Variants in CKAP5 observed in about 807,000 individuals in gnomAD.
The protein encoded by CKAP5 is cytoskeleton-associated protein 5.
Under a neutral mutation model 232.8 loss-of-function variants are expected in CKAP5, and 27 were observed. The ratio of observed to expected loss-of-function variants is 0.12; its 90% CI spans 0.09 to 0.16. CKAP5 has a LOEUF of 0.16. CKAP5 is among the 10% of genes least tolerant of loss of function. The probability of loss-of-function intolerance (pLI) is 1.00; values close to 1 mark genes in which losing one functional copy is unlikely to be tolerated. For missense variants in CKAP5, 1,838 were observed against 2,424.7 expected (o/e 0.76, Z 5.08); for synonymous variants, 785 against 841.1 (o/e 0.93, Z 1.16).
At position 46,759,343 on chromosome 11, in the gene CKAP5, G is replaced by C; in HGVS notation, c.4494C>G (p.Val1498=). Residue 1498 remains valine, a synonymous_variant, in exon 34 of 44, where the codon GTC becomes GTG. Coordinates refer to ENST00000529230, the MANE Select transcript of CKAP5 (RefSeq NM_001008938.4). Reference sequence around the variant, plus strand: ...GAACAAGTTCTGGCATTTCACATCGGACTGTACCATTGTCATTCTCAATCT... The same window carrying C: ...GAACAAGTTCTGGCATTTCACATCGCACTGTACCATTGTCATTCTCAATCT... ...LDEIENDNGT[V]RCEMPELVQH... 6.2e-7 allele frequency: 1 copy of C among 1,614,072 alleles called. No homozygotes were observed. The highest frequency in any genetic ancestry group is 8.5e-7 in the Non-Finnish European group (1 of 1,180,008).
At chr11:46,802,588 G>A (rs997286750) in intron 8 of CKAP5, among the ~76,000 whole-genome samples, 9 of 129,620 alleles carry the variant, frequency 6.9e-5, no homozygotes, top group Admixed American at 1.5e-4. Context: ...ACACACACAC[G>A]GCTGCTTTAT....
At chr11:46,842,158 G>C in intron 1 of CKAP5, among the ~76,000 whole-genome samples, 1 of 152,202 alleles carries the variant, frequency 6.6e-6, no homozygotes, top group Non-Finnish European at 1.5e-5. Flanking sequence ...CCTCAAAGCT[G>C]TCCCTCAAGG....
intron 17 of CKAP5, among the ~76,000 whole-genome samples, 176 bp downstream of exon 17, chr11:46,784,312 G>A (rs1169801645): frequency 2.0e-5 from 3 of 152,062 alleles, no homozygotes; most frequent in East Asian, 1.9e-4. Flanking sequence ...GCAGTGAGCC[G>A]AGATTGCACC....
Position 46,784,611 on chromosome 11 carries a change from C to T in CKAP5, c.2031G>A (p.Thr677=), listed in dbSNP as rs747385988. ...GGCCATCTAATACAACCTGAGCTGA[C>T]GTTTTGGAAAAATTTCCCTTCTGGG... ...LIAQKGNFSK[T]SAQVVLDGLV... is the part of the protein sequence containing the mutation. Residue 677 remains threonine, a synonymous_variant, in exon 17 of 44, where the codon ACG becomes ACA. Transcript: ENST00000529230. 26 of 1,613,890 alleles carry T rather than the reference C, an allele frequency of 1.6e-5. No homozygotes were observed. The highest frequency in any genetic ancestry group is 3.3e-4 in the Middle Eastern group (2 of 6,084).
At chr11:46,839,931 G>A (rs1185127027) in intron 1 of CKAP5, among the ~76,000 whole-genome samples, 4 of 152,052 alleles carry the variant, frequency 2.6e-5, no homozygotes, top group East Asian at 1.9e-4. Flanking sequence ...TTAAGCCCAG[G>A]AGTTTGAGAC....
chr11:46,767,520 T>C, intron 27 of CKAP5, 55 bp downstream of exon 27: 1 of 1,071,016 alleles, frequency 9.3e-7, no homozygotes, highest in East Asian at 2.4e-5. Flanking sequence ...AATGACTCAG[T>C]ATATAAAATA....
chr11:46,763,956 C>T (rs886911240), intron 28 of CKAP5, among the ~76,000 whole-genome samples: 34 of 152,194 alleles, frequency 2.2e-4, no homozygotes, highest in African/African-American at 6.5e-4. Flanking sequence ...CTGCCTTAGC[C>T]CCCCAAGTAG....
In CKAP5 at chr11:46,818,302, G is replaced by A; in HGVS notation, c.251+8C>T. 6.4e-7 allele frequency: 1 copy of A among 1,571,564 alleles called. No individual in the cohort carries two copies. The highest frequency in any genetic ancestry group is 1.2e-5 in the South Asian group (1 of 83,454). On this transcript the variant is annotated splice_region_variant and intron_variant, in intron 3 of 43. Transcript: ENST00000529230. The stretch of plus-strand genomic sequence containing the variant: ...TTTTATCAGTAAAGTTGGAAAGAAA[G>A]TACTTACTTTCCTGCTACATGGGCA...
At chr11:46,769,147 T>G (rs1161600070) in intron 26 of CKAP5, among the ~76,000 whole-genome samples, 1 of 152,152 alleles carries the variant, frequency 6.6e-6, no homozygotes, top group Non-Finnish European at 1.5e-5. Flanking sequence ...CTCAAACTCC[T>G]GACTTCAATG....
At chr11:46,821,346 T>C in intron 1 of CKAP5, 78 bp from the exon 2 acceptor site, 1 of 647,258 alleles carries the variant, frequency 1.5e-6, no homozygotes, top group Non-Finnish European at 2.7e-6. Context: ...GAGATTATTA[T>C]TTTATCATTC....
chr11:46,813,673 AG>A (rs987445213), intron 4 of CKAP5, among the ~76,000 whole-genome samples: 1 of 152,334 alleles, frequency 6.6e-6, no homozygotes, highest in Admixed American at 6.5e-5. Flanking sequence ...GAAATGCTTT[AG>A]GACAAATAAA....
At chr11:46,799,369 T>C (rs1357147037) in intron 9 of CKAP5, among the ~76,000 whole-genome samples, 1 of 152,200 alleles carries the variant, frequency 6.6e-6, no homozygotes, top group Non-Finnish European at 1.5e-5. Flanking sequence ...ATAGACTACT[T>C]GGTATAGTTC....
At chr11:46,798,245 G>A (rs1466553064) in intron 9 of CKAP5, 73 bp from the exon 10 acceptor site, 3 of 1,072,848 alleles carry the variant, frequency 2.8e-6, no homozygotes, top group Admixed American at 1.9e-5. Context: ...CTAGAACATG[G>A]CTGAACCTTA....
intron 8 of CKAP5, among the ~76,000 whole-genome samples, chr11:46,806,449 T>C (rs550268831): frequency 6.6e-6 from 1 of 152,232 alleles, no homozygotes; most frequent in South Asian, 2.1e-4. Flanking sequence ...GCTCTCTTCA[T>C]ATGCCACTGG....
In CKAP5 at chr11:46,759,367, C is replaced by T. The variant is rs2065137764; in HGVS notation, c.4470G>A (p.Glu1490=). The part of the protein sequence containing the change: ...VRREFQLDLD[E]IENDNGTVRC... ...GGACTGTACCATTGTCATTCTCAAT[C>T]TCATCTAGATCCAGCTGGAATTCTC... Residue 1490 remains glutamate (E), a synonymous_variant, in exon 34 of 44, where the codon GAG becomes GAA. Transcript: ENST00000529230. The T allele has an allele frequency of 6.2e-7, 1 of 1,613,990 alleles. No homozygotes were observed. The highest frequency in any genetic ancestry group is 1.3e-5 in the African/African-American group (1 of 74,910).
intron 1 of CKAP5, among the ~76,000 whole-genome samples, chr11:46,839,866 T>C (rs772194428): frequency 2.0e-5 from 3 of 152,128 alleles, no homozygotes; most frequent in South Asian, 2.1e-4. Context: ...TAGCGGGACA[T>C]GTTGGCTCAT....
At chr11:46,800,301 C>T (rs1442058371) in intron 9 of CKAP5, among the ~76,000 whole-genome samples, 1 of 152,126 alleles carries the variant, frequency 6.6e-6, no homozygotes, top group East Asian at 1.9e-4. Context: ...TCTTTTTCTT[C>T]AGTTAAGTTC....
At chr11:46,837,243 C>A (rs1331829921) in intron 1 of CKAP5, among the ~76,000 whole-genome samples, 1 of 151,958 alleles carries the variant, frequency 6.6e-6, no homozygotes, top group Non-Finnish European at 1.5e-5. Context: ...AATGGAAATT[C>A]AAAGATCAGC....
intron 16 of CKAP5, among the ~76,000 whole-genome samples, chr11:46,785,003 C>T (rs11822959): frequency 0.16 from 24,261 of 152,022 alleles, 3,123 homozygotes; most frequent in African/African-American, 0.36. Flanking sequence ...TGAATACACA[C>T]CCTAAAATAC....
Sources: gnomAD v4.1 joint callset for allele counts (sites outside exome capture counted in the v4.1 genomes callset) on GRCh38, gnomAD v4.1.1 for gene constraint, MANE v1.5 for transcripts, NCBI Gene and HGNC (gene_info 2026-07-23, HGNC 2026-07-21) for gene names.